The following STRN variants were observed in gnomAD, a reference collection of about 807,000 sequenced individuals.
STRN encodes protein phosphatase 2 regulatory subunit B'''alpha.
A neutral mutation model predicts 96.3 loss-of-function variants in STRN; 53 were observed. The ratio of observed to expected loss-of-function variants is 0.55; its 90% confidence interval spans 0.44 to 0.69. The LOEUF is 0.69. STRN is among the 30% of genes least tolerant of loss of function. STRN has a pLI of 0.00. For missense variants in STRN, 987 were observed against 963.9 expected, an observed-to-expected ratio of 1.02 and a Z score of -0.32; for synonymous variants, 428 against 355.9, an observed-to-expected ratio of 1.20 and a Z score of -2.28.
intron 3 of STRN, among the ~76,000 whole-genome samples, chr2:36,908,580 G>T (rs1669881057): frequency 6.6e-6 from 1 of 152,114 alleles, no homozygotes; most frequent in African/African-American, 2.4e-5. Context: ...TTTATGATAT[G>T]TAAATTATAT....
At position 36,844,265 on chromosome 2, in the gene STRN, A is replaced by C. The variant is rs904475735; in HGVS notation, c.*5191T>G. The C allele has an allele frequency of 1.3e-5, 2 of 152,214 alleles. No homozygotes were observed. Among genetic ancestry groups the C allele is most frequent in the Non-Finnish European group, 2.9e-5 (2 of 68,058 alleles). 9.4% of individuals were successfully genotyped at this position (152,214 alleles called of 1,614,324 possible). On this transcript the variant is annotated 3_prime_UTR_variant, in exon 18 of 18. Transcript: ENST00000263918. Reference sequence around the variant, plus strand: ...TTCTCACAAGAGGCAAACTTCAGCCAAACAATGAAGAGATAGTAGGGAGGG... The same window carrying C: ...TTCTCACAAGAGGCAAACTTCAGCCCAACAATGAAGAGATAGTAGGGAGGG...
intron 1 of STRN, among the ~76,000 whole-genome samples, chr2:36,926,033 T>C (rs1449014203): frequency 6.6e-6 from 1 of 152,130 alleles, no homozygotes; most frequent in Non-Finnish European, 1.5e-5. Context: ...ACCATTTTTC[T>C]CACCCACCTT....
chr2:36,856,228 T>C (rs942287748), intron 14 of STRN, among the ~76,000 whole-genome samples: 3 of 152,182 alleles, frequency 2.0e-5, no homozygotes, highest in African/African-American at 7.2e-5. Flanking sequence ...AGGTGTAAAA[T>C]GGTACAACTA....
intron 10 of STRN, among the ~76,000 whole-genome samples, chr2:36,875,554 A>T (rs2148160612): frequency 1.6e-5 from 1 of 61,226 alleles, no homozygotes; most frequent in East Asian, 5.0e-4. Flanking sequence ...ATTAAAAGAC[A>T]AAGGTTATCA....
At chr2:36,893,795 G>T in intron 7 of STRN, 103 bp downstream of exon 7, 5 of 1,378,132 alleles carry the variant, frequency 3.6e-6, no homozygotes, top group Non-Finnish European at 1.9e-6. Context: ...TTCACAGAAT[G>T]CTCAATATTT....
chr2:36,916,815 G>T (rs1454273920), intron 2 of STRN, among the ~76,000 whole-genome samples: 1 of 151,988 alleles, frequency 6.6e-6, no homozygotes, highest in Admixed American at 6.6e-5. Flanking sequence ...TATCATTCTG[G>T]TTAATAGGAT....
rs1488344063 is a variant in STRN, at chr2:36,842,250, C to T, written c.*7206G>A. ...ATTTAATTGTGGATGATGGGTTTCC[C>T]TACCATTACCCTTAATTTGATGCTA... On this transcript the variant is annotated 3_prime_UTR_variant, in exon 18 of 18. Transcript: ENST00000263918. 1 of 152,076 alleles carries T rather than the reference C, an allele frequency of 6.6e-6. No homozygotes were observed. The allele number at this position is 152,076 out of a possible 1,614,324, so 9.4% of individuals were successfully genotyped here. A position where few individuals can be genotyped will look rare whatever the true frequency, so the allele number is the denominator to read the frequency against.
intron 3 of STRN, among the ~76,000 whole-genome samples, chr2:36,910,368 G>A (rs1189769459): frequency 6.6e-6 from 1 of 151,898 alleles, no homozygotes; most frequent in African/African-American, 2.4e-5. Context: ...ATCTTTAAAA[G>A]ACAAAAGACT....
At chr2:36,857,343 T>C (rs1668371708) in intron 14 of STRN, among the ~76,000 whole-genome samples, 1 of 152,118 alleles carries the variant, frequency 6.6e-6, no homozygotes, top group African/African-American at 2.4e-5. Context: ...TTTTTTAAAA[T>C]CTAAAATCTG....
In STRN at chr2:36,857,877, T is replaced by C; in HGVS notation, c.1816A>G (p.Ser606Gly). Residue 606 changes from serine (S) to glycine (G), a missense_variant, in exon 14 of 18, where the codon AGT (serine) becomes GGT (glycine). By Grantham distance (56) the Ser-to-Gly change is moderately conservative. Transcript: ENST00000263918. ...WNTTEVAPAL[S>G]VFNDTKELGI... ...GTACCTTTAGTATCATTAAATACAC[T>C]TAGTGCTGGAGCAACCTCAGTTGTA... 1 of 1,613,990 alleles carries C rather than the reference T, an allele frequency of 6.2e-7. No homozygotes were observed. The highest frequency in any genetic ancestry group is 8.5e-7 in the Non-Finnish European group (1 of 1,179,928).
At chr2:36,893,209 T>A (rs1384605226) in intron 7 of STRN, among the ~76,000 whole-genome samples, 1 of 152,116 alleles carries the variant, frequency 6.6e-6, no homozygotes, top group Non-Finnish European at 1.5e-5. Context: ...GTATAAAAAG[T>A]CAATATACAA....
chr2:36,940,745 G>A (rs1459867909), intron 1 of STRN, among the ~76,000 whole-genome samples: 1 of 150,180 alleles, frequency 6.7e-6, no homozygotes, highest in Non-Finnish European at 1.5e-5. Context: ...GCTGAGGCAG[G>A]AGAATGGTGT....
chr2:36,930,546 T>A (rs1300757777), intron 1 of STRN, among the ~76,000 whole-genome samples: 1 of 152,080 alleles, frequency 6.6e-6, no homozygotes, highest in South Asian at 2.1e-4. Flanking sequence ...AGTTGCTCAT[T>A]CAGTAGGTCT....
intron 5 of STRN, 24 bp from the exon 6 acceptor site, chr2:36,899,682 GCTTAGTTAAT>G: frequency 6.4e-7 from 1 of 1,555,366 alleles, no homozygotes; most frequent in Non-Finnish European, 8.7e-7. Flanking sequence ...TGTATATCCT[GCTTAGTTAAT>G]CTTTTTAACT....
chr2:36,942,767 C>T (rs942754067), intron 1 of STRN, among the ~76,000 whole-genome samples: 2 of 152,060 alleles, frequency 1.3e-5, no homozygotes, highest in Non-Finnish European at 2.9e-5. Flanking sequence ...GTGATCTCAG[C>T]TCACTGCAAC....
chr2:36,875,546 T>G (rs1339231372), intron 10 of STRN, among the ~76,000 whole-genome samples: 1 of 112,950 alleles, frequency 8.9e-6, no homozygotes, highest in Admixed American at 1.0e-4. Context: ...ATGCTCCAAT[T>G]AAAAGACAAA....
In STRN at chr2:36,897,927, G is replaced by C. The variant is rs1275843900; in HGVS notation, c.795+1596C>G. On this transcript the variant is annotated intron_variant, in intron 6 of 17. Coordinates refer to ENST00000263918, the MANE Select transcript of STRN (RefSeq NM_003162.4). ...GCTGGTCCCAAACTCCTGGCCTCAA[G>C]TGATCCTCCCACTTCAGCCTCCTGA... Among the ~76,000 whole-genome samples, 13 of 152,096 alleles carry C rather than the reference G, an allele frequency of 8.5e-5. No individual in the cohort carries two copies. The East Asian group carries it at 2.5e-3, about 29-fold the overall frequency.
chr2:36,879,392 T>C (rs992817045), intron 9 of STRN, among the ~76,000 whole-genome samples: 5 of 152,242 alleles, frequency 3.3e-5, no homozygotes, highest in African/African-American at 1.2e-4. Flanking sequence ...AAAGTGTCCA[T>C]TTGAACACTT....
At chr2:36,949,776 G>T (rs553096715) in intron 1 of STRN, among the ~76,000 whole-genome samples, 13 of 152,254 alleles carry the variant, frequency 8.5e-5, no homozygotes. Flanking sequence ...CGAGTTTCAA[G>T]TTATAGTAGG....
Sources: allele counts gnomAD v4.1 joint callset (sites outside exome capture counted in the v4.1 genomes callset), GRCh38; gene constraint gnomAD v4.1.1; transcripts MANE v1.5; gene names NCBI Gene and HGNC (gene_info 2026-07-23, HGNC 2026-07-21).